The following STXBP5L variants were observed in gnomAD, a reference collection of about 807,000 sequenced individuals.
STXBP5L encodes the protein syntaxin-binding protein 5-like.
In STXBP5L, 65 loss-of-function variants were observed where a neutral mutation model predicts 144.5. The observed-to-expected ratio is 0.45, with a 90% CI of 0.37 to 0.55. STXBP5L has a LOEUF of 0.55. Ranked by LOEUF, STXBP5L falls within the 20% of genes least tolerant of loss-of-function variation. The probability of loss-of-function intolerance (pLI) is 0.00; values close to 1 mark genes in which losing one functional copy is unlikely to be tolerated. For synonymous variants in STXBP5L, 505 were observed against 469.6 expected (o/e 1.08, Z -0.97); for missense variants, 1,298 against 1,405.5 (o/e 0.92, Z 1.22).
chr3:121,121,481 T>C (rs567032078), intron 6 of STXBP5L, among the ~76,000 whole-genome samples, 160 bp from the exon 7 acceptor site: 1 of 151,474 alleles, frequency 6.6e-6, no homozygotes, highest in Non-Finnish European at 1.5e-5. Flanking sequence ...GAAATGCAGT[T>C]AGGACTGGTA....
chr3:120,964,214 C>T (rs923616855), intron 3 of STXBP5L, among the ~76,000 whole-genome samples: 5 of 151,782 alleles, frequency 3.3e-5, no homozygotes, highest in African/African-American at 1.2e-4. Flanking sequence ...TGATCTTTTC[C>T]AAAAAAGCAG....
intron 5 of STXBP5L, among the ~76,000 whole-genome samples, chr3:121,102,828 C>A (rs1047300931): frequency 6.6e-6 from 1 of 152,032 alleles, no homozygotes. Context: ...TATCCAGGAT[C>A]TATAAGGTAC....
chr3:121,071,509 T>C (rs548610309), intron 5 of STXBP5L, among the ~76,000 whole-genome samples: 31 of 152,300 alleles, frequency 2.0e-4, no homozygotes, highest in Admixed American at 1.8e-3. Context: ...CTTGGTTTTG[T>C]TGACTGGTCC....
At chr3:121,408,657 T>C (rs937799970) in intron 23 of STXBP5L, among the ~76,000 whole-genome samples, 1 of 151,968 alleles carries the variant, frequency 6.6e-6, no homozygotes, top group Non-Finnish European at 1.5e-5. Flanking sequence ...AATGTCAGGC[T>C]GAGTTTGACA....
chr3:121,238,011 A>G (rs995636407), intron 12 of STXBP5L, among the ~76,000 whole-genome samples: 1 of 152,052 alleles, frequency 6.6e-6, no homozygotes, highest in African/African-American at 2.4e-5. Context: ...ACTTTCCCTC[A>G]TCTTTTTATC....
intron 19 of STXBP5L, among the ~76,000 whole-genome samples, chr3:121,317,017 A>G (rs559401129): frequency 6.6e-6 from 1 of 152,312 alleles, no homozygotes; most frequent in Non-Finnish European, 1.5e-5. Flanking sequence ...ATTAACACTT[A>G]CTGCTTATTT....
intron 22 of STXBP5L, among the ~76,000 whole-genome samples, chr3:121,388,654 G>C (rs1576337079): frequency 6.6e-6 from 1 of 152,178 alleles, no homozygotes; most frequent in African/African-American, 2.4e-5. Context: ...AGATAACCAT[G>C]TGTTTTTTGT....
intron 10 of STXBP5L, among the ~76,000 whole-genome samples, chr3:121,208,869 C>T (rs1577214114): frequency 6.6e-6 from 1 of 152,004 alleles, no homozygotes; most frequent in Non-Finnish European, 1.5e-5. Context: ...CTGCACCCAT[C>T]ATCTACATTA....
intron 2 of STXBP5L, among the ~76,000 whole-genome samples, chr3:120,927,210 C>G (rs1709685840): frequency 6.6e-6 from 1 of 152,204 alleles, no homozygotes; most frequent in Non-Finnish European, 1.5e-5. Context: ...ACTGGGATTA[C>G]AGGTGTGAGC....
chr3:121,377,229 T>C (rs895505310), intron 20 of STXBP5L, among the ~76,000 whole-genome samples: 6 of 152,090 alleles, frequency 3.9e-5, no homozygotes, highest in Admixed American at 3.9e-4. Flanking sequence ...TTTCTTTCTC[T>C]TTCCTGATTG....
intron 3 of STXBP5L, among the ~76,000 whole-genome samples, chr3:121,001,003 G>A (rs1031882910): frequency 1.3e-5 from 2 of 152,178 alleles, no homozygotes; most frequent in Admixed American, 6.6e-5. Context: ...GGGGTGGCGG[G>A]GGGAAGGGGG....
intron 11 of STXBP5L, among the ~76,000 whole-genome samples, chr3:121,233,319 C>T (rs1232160007): frequency 6.6e-6 from 1 of 152,130 alleles, no homozygotes; most frequent in Admixed American, 6.6e-5. Context: ...TTTGTGAGAT[C>T]AGGTGACAGA....
intron 11 of STXBP5L, among the ~76,000 whole-genome samples, chr3:121,231,974 G>A (rs2049323808): frequency 1.3e-5 from 2 of 152,134 alleles, no homozygotes; most frequent in African/African-American, 4.8e-5. Flanking sequence ...GTCCCTGCAA[G>A]CTTCAGACAT....
At chr3:121,203,921 A>T (rs1470980385) in intron 9 of STXBP5L, among the ~76,000 whole-genome samples, 2 of 152,122 alleles carry the variant, frequency 1.3e-5, no homozygotes, top group East Asian at 3.9e-4. Flanking sequence ...AGTAATCTCC[A>T]ACCATCTATT....
chr3:120,959,577 G>C (rs1435645700), intron 3 of STXBP5L, among the ~76,000 whole-genome samples: 2 of 152,168 alleles, frequency 1.3e-5, no homozygotes, highest in East Asian at 3.8e-4. Flanking sequence ...GAACAGAACA[G>C]AGGCCTCAGA....
At chr3:121,209,386 C>A (rs1379220492) in intron 10 of STXBP5L, among the ~76,000 whole-genome samples, 3 of 152,056 alleles carry the variant, frequency 2.0e-5, no homozygotes, top group East Asian at 1.9e-4. Flanking sequence ...ACACTCCCAA[C>A]AACACTGTAA....
chr3:121,265,013 A>T (rs116701739), intron 18 of STXBP5L, among the ~76,000 whole-genome samples: 15,094 of 152,156 alleles, frequency 0.099, 1,180 homozygotes, highest in Admixed American at 0.2. Context: ...TCAGACTCCC[A>T]CACAATAATA....
intron 3 of STXBP5L, among the ~76,000 whole-genome samples, chr3:120,972,070 T>C (rs778465221): frequency 6.6e-6 from 1 of 152,078 alleles, no homozygotes; most frequent in Non-Finnish European, 1.5e-5. Flanking sequence ...TTTTTTGGTT[T>C]ATATGAATTT....
intron 3 of STXBP5L, among the ~76,000 whole-genome samples, chr3:120,982,699 G>T (rs144798152): frequency 6.6e-6 from 1 of 152,284 alleles, no homozygotes; most frequent in East Asian, 1.9e-4. Flanking sequence ...AGGGGGAGTG[G>T]CTCCACTTTT....
Sources: allele counts gnomAD v4.1 joint callset (sites outside exome capture counted in the v4.1 genomes callset), GRCh38; gene constraint gnomAD v4.1.1; transcripts MANE v1.5; gene names NCBI Gene and HGNC (gene_info 2026-07-23, HGNC 2026-07-21).